Variants in SYNPR observed in about 807,000 individuals in gnomAD.
SYNPR encodes the protein synaptoporin.
In SYNPR, 23 loss-of-function variants were observed where a neutral mutation model predicts 32.9. The observed-to-expected ratio is 0.70, with a 90% CI of 0.50 to 0.99. The LOEUF (loss-of-function observed/expected upper bound fraction) is 0.99. Among genes scored for constraint, SYNPR ranks in the 50% least tolerant of loss-of-function variants. The pLI, the probability that SYNPR is intolerant of heterozygous loss-of-function variation, is 0.00. For synonymous variants in SYNPR, 146 were observed against 135.9 expected, an observed-to-expected ratio of 1.07 and a Z score of -0.52; for missense variants, 318 against 349.3, an observed-to-expected ratio of 0.91 and a Z score of 0.71.
intron 2 of SYNPR, among the ~76,000 whole-genome samples, chr3:63,442,164 A>AGTGTGTGTGTGTGTGTGT (rs34163380): frequency 3.4e-5 from 5 of 148,434 alleles, no homozygotes; most frequent in African/African-American, 1.3e-4. Context: ...TGGTAGTGAT[A>AGTGTGTGTGTGTGTGTGT]GTGTGTGTGT....
intron 4 of SYNPR, among the ~76,000 whole-genome samples, chr3:63,606,057 C>G (rs1575734362): frequency 6.6e-6 from 1 of 152,078 alleles, no homozygotes; most frequent in East Asian, 1.9e-4. Context: ...ATTTTATCCT[C>G]ACTATCATCC....
In SYNPR at chr3:63,443,269, A is replaced by C. The variant is rs528225239; in HGVS notation, c.85-37563A>C. 73 of 1,440,412 alleles carry C rather than the reference A, an allele frequency of 5.1e-5. 1 individual carries two copies. In the South Asian group the frequency reaches 9.7e-4, roughly 19 times the overall value. The allele number at this position is 1,440,412 out of a possible 1,614,324, so 89.2% of individuals were successfully genotyped here. A position where few individuals can be genotyped will look rare whatever the true frequency, so the allele number is the denominator to read the frequency against. On this transcript the variant is annotated intron_variant, in intron 2 of 5. Transcript: ENST00000478300. ...CTCTGCAAATGAGGCTGAAGCTGCT[A>C]TCTGATTGGTATAACATCTCACTTT...
At chr3:63,543,176 G>A (rs1436118174) in intron 3 of SYNPR, among the ~76,000 whole-genome samples, 1 of 137,552 alleles carries the variant, frequency 7.3e-6, no homozygotes, top group Non-Finnish European at 1.5e-5. Context: ...GAGAAAGTGA[G>A]AGTAAAATGA....
intron 3 of SYNPR, among the ~76,000 whole-genome samples, chr3:63,543,063 T>G (rs978545061): frequency 2.0e-5 from 3 of 152,118 alleles, no homozygotes; most frequent in African/African-American, 7.2e-5. Flanking sequence ...AACTAATAAA[T>G]TTATTAAATA....
intron 3 of SYNPR, among the ~76,000 whole-genome samples, chr3:63,554,558 C>G (rs1702562177): frequency 6.6e-6 from 1 of 152,032 alleles, no homozygotes; most frequent in Non-Finnish European, 1.5e-5. Flanking sequence ...TATCCTGTTC[C>G]ATTGGTCTAT....
At chr3:63,255,087 T>C (rs907823590) in intron 2 of SYNPR, among the ~76,000 whole-genome samples, 2 of 152,114 alleles carry the variant, frequency 1.3e-5, no homozygotes, top group African/African-American at 2.4e-5. Flanking sequence ...CCCTTGTTGG[T>C]TTTTACCCAC....
intron 3 of SYNPR, among the ~76,000 whole-genome samples, chr3:63,536,551 G>A (rs969742526): frequency 6.6e-6 from 1 of 152,146 alleles, no homozygotes; most frequent in Non-Finnish European, 1.5e-5. Flanking sequence ...CAGTTTGGCA[G>A]TTCCTCCAAA....
At chr3:63,401,590 G>A (rs1245006238) in intron 2 of SYNPR, among the ~76,000 whole-genome samples, 1 of 152,078 alleles carries the variant, frequency 6.6e-6, no homozygotes, top group African/African-American at 2.4e-5. Context: ...GTGCAGTTTT[G>A]AATGGCATTA....
intron 4 of SYNPR, among the ~76,000 whole-genome samples, chr3:63,603,521 A>C (rs1328354463): frequency 1.3e-5 from 2 of 152,140 alleles, no homozygotes; most frequent in Non-Finnish European, 2.9e-5. Context: ...ATGTTTCTTC[A>C]ATGCCTAGTT....
intron 2 of SYNPR, among the ~76,000 whole-genome samples, chr3:63,381,036 T>C (rs1310395021): frequency 1.3e-5 from 2 of 152,120 alleles, no homozygotes; most frequent in African/African-American, 4.8e-5. Flanking sequence ...CAACATAGTG[T>C]TGGAAGTTCT....
At chr3:63,296,474 G>A (rs927954039) in intron 2 of SYNPR, among the ~76,000 whole-genome samples, 4 of 152,118 alleles carry the variant, frequency 2.6e-5, no homozygotes, top group Non-Finnish European at 5.9e-5. Flanking sequence ...AGCCTAGTCT[G>A]GTGGATGAAT....
chr3:63,452,472 A>C (rs906049666), intron 2 of SYNPR, among the ~76,000 whole-genome samples: 1 of 152,184 alleles, frequency 6.6e-6, no homozygotes, highest in Non-Finnish European at 1.5e-5. Context: ...TAGTGCCCAT[A>C]AAACCTGAAG....
At chr3:63,386,260 C>A (rs180789274) in intron 2 of SYNPR, among the ~76,000 whole-genome samples, 31 of 152,262 alleles carry the variant, frequency 2.0e-4, no homozygotes, top group Admixed American at 1.8e-3. Context: ...AGTTTTGAAC[C>A]CTGCTTCAAT....
intron 2 of SYNPR, among the ~76,000 whole-genome samples, chr3:63,307,605 C>T (rs1448726821): frequency 6.6e-6 from 1 of 151,958 alleles, no homozygotes; most frequent in Non-Finnish European, 1.5e-5. Context: ...CCTTCCTTTC[C>T]CTGCCATCCC....
At chr3:63,224,567 G>C (rs1243892792), upstream of SYNPR, among the ~76,000 whole-genome samples, 1 of 152,178 alleles carries the variant, frequency 6.6e-6, no homozygotes, top group Admixed American at 6.5e-5. Flanking sequence ...TTTTTTAAAG[G>C]AGGCATGAAA....
At chr3:63,366,037 A>C (rs1160349676) in intron 2 of SYNPR, among the ~76,000 whole-genome samples, 1 of 152,244 alleles carries the variant, frequency 6.6e-6, no homozygotes, top group Non-Finnish European at 1.5e-5. Flanking sequence ...TGCCTGTGCA[A>C]TTCATAAATA....
At chr3:63,303,985 G>A (rs777536831) in intron 2 of SYNPR, among the ~76,000 whole-genome samples, 13 of 151,910 alleles carry the variant, frequency 8.6e-5, no homozygotes, top group East Asian at 1.9e-4. Context: ...GCTGTAGAAC[G>A]GATCTGTTAT....
chr3:63,316,500 A>G (rs555026072), intron 2 of SYNPR, among the ~76,000 whole-genome samples: 1 of 152,044 alleles, frequency 6.6e-6, no homozygotes, highest in Admixed American at 6.6e-5. Flanking sequence ...CATCTCTTCT[A>G]GGTTTTCTAG....
At chr3:63,577,395 G>A (rs180733796) in intron 4 of SYNPR, among the ~76,000 whole-genome samples, 1 of 152,178 alleles carries the variant, frequency 6.6e-6, no homozygotes, top group African/African-American at 2.4e-5. Context: ...CCCACATGGA[G>A]AGGAAAGCCA....
Sources: gnomAD v4.1 joint callset for allele counts (sites outside exome capture counted in the v4.1 genomes callset) on GRCh38, gnomAD v4.1.1 for gene constraint, MANE v1.5 for transcripts, NCBI Gene and HGNC (gene_info 2026-07-23, HGNC 2026-07-21) for gene names.